PRKAR1A: variants seen among roughly 807,000 people sequenced by gnomAD.
The protein encoded by PRKAR1A is protein kinase cAMP-dependent type I regulatory subunit alpha.
Under a neutral mutation model 52.0 loss-of-function variants are expected in PRKAR1A, and 3 were observed. The observed-to-expected ratio is 0.06, with a 90% CI of 0.03 to 0.15. PRKAR1A has a LOEUF of 0.15. PRKAR1A is among the 10% of genes least tolerant of loss of function. PRKAR1A has a pLI of 1.00. For missense variants in PRKAR1A, 240 were observed against 477.4 expected (o/e 0.50, Z 4.63); for synonymous variants, 188 against 168.4 (o/e 1.12, Z -0.90).
At chr17:68,440,094 G>A in the PRKAR1A span, among the ~76,000 whole-genome samples, 1 of 152,184 alleles carries the variant, frequency 6.6e-6, no homozygotes, top group African/African-American at 2.4e-5. Flanking sequence ...AAGGGACAAA[G>A]GATAAGAGTG....
intron 7 of PRKAR1A, 76 bp from the exon 8 acceptor site, chr17:68,527,764 T>C: frequency 8.1e-7 from 1 of 1,231,652 alleles, no homozygotes; most frequent in Non-Finnish European, 1.2e-6. Flanking sequence ...TGAAACTTAA[T>C]ATTTATTATT....
chr17:68,531,842 C>T lies in PRKAR1A; in HGVS notation c.*1393C>T. ...TATTATTTTTTTAAACAAAATTTCA[C>T]AGTTCTGTAATGTAGGCACTTTTAT... On this transcript the variant is annotated 3_prime_UTR_variant, in exon 11 of 11. Transcript: ENST00000589228. 9.7e-7 allele frequency: 1 copy of T among 1,034,416 alleles called. No individual in the cohort carries two copies. Among genetic ancestry groups the T allele is most frequent in the Non-Finnish European group, 1.2e-6 (1 of 850,870 alleles). The allele number at this position is 1,034,416 out of a possible 1,614,324, so 64.1% of individuals were successfully genotyped here.
chr17:68,519,110 T>C (rs375290550), intron 2 of PRKAR1A, among the ~76,000 whole-genome samples: 13 of 152,316 alleles, frequency 8.5e-5, no homozygotes, highest in African/African-American at 2.4e-4. Flanking sequence ...TCCTGTCTTC[T>C]TCTGAGCCCT....
At chr17:68,537,467 C>G, downstream of PRKAR1A, 1 of 1,614,096 alleles carries the variant, frequency 6.2e-7, no homozygotes, top group Non-Finnish European at 8.5e-7. This position sits in a 1 kb window ranked among gnomAD's most constrained non-coding sequence, Gnocchi z 4.2. Context: ...AAACTGGACT[C>G]TGCCAGCCCT....
chr17:68,506,637 C>G, the PRKAR1A span, among the ~76,000 whole-genome samples: 131 of 152,168 alleles, frequency 8.6e-4, no homozygotes, highest in Non-Finnish European at 7.4e-5. Flanking sequence ...GCGTGCACCA[C>G]CACACCCGGC....
the PRKAR1A span, among the ~76,000 whole-genome samples, chr17:68,464,610 G>A: frequency 6.6e-6 from 1 of 151,838 alleles, no homozygotes; most frequent in Non-Finnish European, 1.5e-5. Context: ...GAACCCGGGA[G>A]GTGGAGGTTG....
At chr17:68,433,760 G>GTTTTTTTTTTTTTTTTTTTTTTTTTT in the PRKAR1A span, among the ~76,000 whole-genome samples, 1 of 72,814 alleles carries the variant, frequency 1.4e-5, no homozygotes, top group African/African-American at 6.6e-5. Context: ...AAGGGTCATA[G>GTTTTTTTTTTTTTTTTTTTTTTTTTT]TTTTTTTTTT....
downstream of PRKAR1A, chr17:68,535,539 A>G (rs1481804426): frequency 2.2e-6 from 1 of 453,974 alleles, no homozygotes; most frequent in Non-Finnish European, 4.4e-6. Context: ...CTTCATCCAC[A>G]GGGAAGAAAC....
intron 11 of PRKAR1A, chr17:68,539,982 G>T (rs773063025): frequency 6.2e-7 from 1 of 1,612,588 alleles, no homozygotes; most frequent in South Asian, 1.1e-5. Context: ...AAGGAGGGGA[G>T]GACTTAGCTG....
chr17:68,491,381 C>T, the PRKAR1A span, among the ~76,000 whole-genome samples: 3 of 152,144 alleles, frequency 2.0e-5, no homozygotes, highest in East Asian at 1.9e-4. Flanking sequence ...CGTGAGCCAC[C>T]GCGCCCAGCC....
the PRKAR1A span, among the ~76,000 whole-genome samples, chr17:68,478,732 T>G: frequency 7.5e-6 from 1 of 132,454 alleles, no homozygotes; most frequent in South Asian, 2.3e-4. Flanking sequence ...TGGACAGTTT[T>G]GTTTTTTTTT....
chr17:68,524,570 G>A (rs1187468994), intron 5 of PRKAR1A, among the ~76,000 whole-genome samples: 1 of 151,998 alleles, frequency 6.6e-6, no homozygotes, highest in African/African-American at 2.4e-5. Context: ...TTATGAGTGG[G>A]TATATATTTT....
At chr17:68,489,192 A>ATATATATATATATGGAAAG in the PRKAR1A span, among the ~76,000 whole-genome samples, 14 of 26,982 alleles carry the variant, frequency 5.2e-4, 3 homozygotes, top group East Asian at 0.013. Flanking sequence ...GAAAGTATAT[A>ATATATATATATATGGAAAG]TATATATATA....
rs2143150732 is a variant in PRKAR1A at position 68,515,474 on chromosome 17, T to C, written c.75T>C (p.His25=). ...AATGTGAGCTCTACGTCCAGAAGCA[T>C]AACATTCAAGCGCTGCTCAAAGATT... ...LRECELYVQK[H]NIQALLKDSI... is the part of the protein sequence containing the mutation. The change falls in exon 2 of 11, where the codon CAT becomes CAC. Residue 25 remains histidine, a synonymous_variant. Coordinates refer to ENST00000589228, the MANE Select transcript of PRKAR1A (RefSeq NM_002734.5). 1 of 1,613,690 alleles carries C rather than the reference T, an allele frequency of 6.2e-7. No homozygotes were observed. Among genetic ancestry groups the C allele is most frequent in the Non-Finnish European group, 8.5e-7 (1 of 1,180,038 alleles).
At chr17:68,433,105 T>G in the PRKAR1A span, among the ~76,000 whole-genome samples, 6 of 152,386 alleles carry the variant, frequency 3.9e-5, no homozygotes, top group South Asian at 2.1e-4. Context: ...CACTTCTTAG[T>G]GCTTCCTATG....
intron 11 of PRKAR1A, among the ~76,000 whole-genome samples, chr17:68,544,725 G>A (rs531225052): frequency 9.2e-5 from 14 of 152,162 alleles, no homozygotes; most frequent in Non-Finnish European, 1.8e-4. Flanking sequence ...AACCCTCCGT[G>A]CTCAGGCCTG....
chr17:68,541,240 G>C (rs1263824160), intron 11 of PRKAR1A: 1 of 437,798 alleles, frequency 2.3e-6, no homozygotes, highest in African/African-American at 2.0e-5. Context: ...AAAGGAGGAG[G>C]TAGTGACCCT....
chr17:68,512,580 G>A (rs1330973360), intron 1 of PRKAR1A, 32 bp downstream of exon 1: 2 of 152,830 alleles, frequency 1.3e-5, no homozygotes, highest in African/African-American at 2.4e-5. Context: ...CTCAGGCGAG[G>A]TGAGCTTCGT....
the PRKAR1A span, among the ~76,000 whole-genome samples, chr17:68,449,058 T>G: frequency 6.6e-6 from 1 of 152,228 alleles, no homozygotes; most frequent in African/African-American, 2.4e-5. Flanking sequence ...CTCATAAATT[T>G]AAAAAGCATT....
Sources: gnomAD v4.1 joint callset for allele counts (sites outside exome capture counted in the v4.1 genomes callset) on GRCh38, gnomAD v4.1.1 for gene constraint, Gnocchi (gnomAD v3.1) non-coding constraint, MANE v1.5 for transcripts, NCBI Gene and HGNC (gene_info 2026-07-23, HGNC 2026-07-21) for gene names.